EBF2: variants seen among roughly 807,000 people sequenced by gnomAD.
The protein encoded by EBF2 is transcription factor COE2.
A neutral mutation model predicts 72.8 loss-of-function variants in EBF2; 21 were observed. The observed-to-expected ratio is 0.29, with a 90% CI of 0.20 to 0.42. EBF2 has a LOEUF of 0.42. Ranked by LOEUF, EBF2 falls within the 10% of genes least tolerant of loss-of-function variation. The pLI is 1.00. For synonymous variants in EBF2, 299 were observed against 274.2 expected (o/e 1.09, Z -0.89); for missense variants, 637 against 731.2 (o/e 0.87, Z 1.49).
chr8:25,946,056 C>T (rs1211456307), intron 6 of EBF2, among the ~76,000 whole-genome samples: 2 of 152,148 alleles, frequency 1.3e-5, no homozygotes, highest in African/African-American at 2.4e-5. Context: ...TCTCTCACTG[C>T]CTGGCGTGAT....
intron 10 of EBF2, among the ~76,000 whole-genome samples, chr8:25,878,131 G>A (rs940247788): frequency 6.6e-6 from 1 of 152,158 alleles, no homozygotes; most frequent in Non-Finnish European, 1.5e-5. Flanking sequence ...GCTTCCGGCT[G>A]GTCCTCCTCT....
At chr8:25,943,965 G>C (rs1050583964) in intron 6 of EBF2, among the ~76,000 whole-genome samples, 3 of 152,188 alleles carry the variant, frequency 2.0e-5, no homozygotes, top group Admixed American at 1.3e-4. Flanking sequence ...GGTGAGAACA[G>C]GGTCCCAGTT....
intron 6 of EBF2, among the ~76,000 whole-genome samples, chr8:25,998,390 C>T (rs912041624): frequency 2.0e-5 from 3 of 152,142 alleles, no homozygotes; most frequent in Non-Finnish European, 2.9e-5. Context: ...CAATCTTTCT[C>T]GCACTATTTC....
chr8:26,042,431 C>G (rs377240467), intron 1 of EBF2, among the ~76,000 whole-genome samples, 180 bp from the exon 2 acceptor site: 2 of 152,060 alleles, frequency 1.3e-5, no homozygotes, highest in Non-Finnish European at 2.9e-5. Flanking sequence ...AAGGAGTCAC[C>G]GTGGCCACGG....
At chr8:25,850,890 AAGT>A (rs1801954383) in intron 14 of EBF2, 129 bp from the exon 15 acceptor site, 1 of 1,067,380 alleles carries the variant, frequency 9.4e-7, no homozygotes. Context: ...TAAAAAAAAA[AAGT>A]TGAATGTGAC....
In EBF2 at chr8:25,893,271, A is replaced by ATTT. The variant is rs201829098; in HGVS notation, c.634-3405_634-3403dup. Among the ~76,000 whole-genome samples, 211 of 111,418 alleles carry ATTT rather than the reference A, an allele frequency of 1.9e-3. 4 individuals carry two copies. The highest frequency in any genetic ancestry group is 2.6e-3 in the Non-Finnish European group (154 of 59,090). 73.1% of individuals were successfully genotyped at this position (111,418 alleles called of 152,430 possible). ...GGGTGCTTTGGGCTTTAATTCTTCC[A>ATTT]TTTTTTTTTTTTTTTTTTTTTTTTT... On this transcript the variant is annotated intron_variant, in intron 7 of 15. Transcript: ENST00000520164.
intron 7 of EBF2, among the ~76,000 whole-genome samples, chr8:25,896,426 G>A (rs1802865020): frequency 1.3e-5 from 2 of 152,130 alleles, no homozygotes; most frequent in Admixed American, 6.5e-5. Context: ...CCCTACTTAT[G>A]AATGTGCATA....
At chr8:26,007,921 T>G (rs1804909894) in intron 6 of EBF2, among the ~76,000 whole-genome samples, 1 of 152,100 alleles carries the variant, frequency 6.6e-6, no homozygotes, top group Non-Finnish European at 1.5e-5. Flanking sequence ...AAATAATAAT[T>G]TTATCTCAGC....
chr8:25,847,611 T>C, intron 15 of EBF2, among the ~76,000 whole-genome samples: 1 of 152,092 alleles, frequency 6.6e-6, no homozygotes, highest in South Asian at 2.1e-4. Flanking sequence ...CAACCACCTT[T>C]GGGGATAGCT....
chr8:26,003,461 G>C (rs1804776325), intron 6 of EBF2, among the ~76,000 whole-genome samples: 1 of 152,152 alleles, frequency 6.6e-6, no homozygotes, highest in African/African-American at 2.4e-5. Context: ...TTTTATGTAG[G>C]TAAGGCAGCA....
chr8:25,886,902 G>A lies in EBF2; in HGVS notation c.883-21C>T, dbSNP rs543590179. Reference sequence around the variant, plus strand: ...ATTAGCTGAGGAATGAACAGGCAGGGAAATAAAATACCCATTAGACAAGCC... The same window carrying A: ...ATTAGCTGAGGAATGAACAGGCAGGAAAATAAAATACCCATTAGACAAGCC... On this transcript the variant is annotated intron_variant, in intron 9 of 15. Coordinates refer to ENST00000520164, the MANE Select transcript of EBF2 (RefSeq NM_022659.4). 1.2e-5 allele frequency: 19 copies of A among 1,609,218 alleles called. No individual in the cohort carries two copies. In the African/African-American group the frequency reaches 2.4e-4, roughly 20 times the overall value.
intron 6 of EBF2, among the ~76,000 whole-genome samples, chr8:26,002,674 TGC>T: frequency 6.6e-6 from 1 of 152,138 alleles, no homozygotes; most frequent in East Asian, 1.9e-4. Flanking sequence ...TTCTTTTCCT[TGC>T]AGGCTTTGGA....
At chr8:25,964,874 A>G (rs1291956270) in intron 6 of EBF2, among the ~76,000 whole-genome samples, 2 of 152,196 alleles carry the variant, frequency 1.3e-5, no homozygotes, top group Non-Finnish European at 2.9e-5. Flanking sequence ...ACACAGGCGC[A>G]TGCATGCACA....
intron 14 of EBF2, among the ~76,000 whole-genome samples, chr8:25,854,888 G>T (rs1802055521): frequency 6.6e-6 from 1 of 152,188 alleles, no homozygotes; most frequent in African/African-American, 2.4e-5. Flanking sequence ...AGGAATCTAT[G>T]AGGACAAGTT....
At chr8:25,891,459 T>C (rs1226524222) in intron 7 of EBF2, among the ~76,000 whole-genome samples, 1 of 152,146 alleles carries the variant, frequency 6.6e-6, no homozygotes, top group Non-Finnish European at 1.5e-5. Flanking sequence ...AGGTACAAAA[T>C]GAAGAGTCGT....
intron 6 of EBF2, among the ~76,000 whole-genome samples, chr8:25,941,498 G>A (rs1803668975): frequency 6.6e-6 from 1 of 152,132 alleles, no homozygotes; most frequent in African/African-American, 2.4e-5. Flanking sequence ...GAGCCACTAT[G>A]CCCAGCTGTG....
In EBF2 at chr8:26,041,596, C is replaced by T. The variant is rs142738977; in HGVS notation, c.288+499G>A. 364 of 161,214 alleles carry T rather than the reference C, an allele frequency of 2.3e-3. 1 individual carries two copies. The highest frequency in any genetic ancestry group is 3.3e-3 in the Non-Finnish European group (241 of 73,672). 10.0% of individuals were successfully genotyped at this position (161,214 alleles called of 1,614,324 possible). A position where few individuals can be genotyped will look rare whatever the true frequency, so the allele number is the denominator to read the frequency against. On this transcript the variant is annotated intron_variant, in intron 2 of 15. Coordinates refer to ENST00000520164, the MANE Select transcript of EBF2 (RefSeq NM_022659.4). The stretch of plus-strand genomic sequence containing the variant: ...TCGGCGGACTGTCCTTCATTTGAGA[C>T]CGAACCCAGCCCCCAATTCCAGGCT...
chr8:25,899,035 T>C (rs957779786), intron 7 of EBF2, among the ~76,000 whole-genome samples: 2 of 152,152 alleles, frequency 1.3e-5, no homozygotes, highest in South Asian at 2.1e-4. Flanking sequence ...CCTTATACTT[T>C]TACAAAGAGC....
intron 6 of EBF2, among the ~76,000 whole-genome samples, chr8:25,942,844 T>G (rs896143997): frequency 6.6e-5 from 10 of 152,254 alleles, no homozygotes; most frequent in African/African-American, 2.4e-4. Context: ...AATGAGAATT[T>G]TCCACGCTCT....
Sources: allele counts gnomAD v4.1 joint callset (sites outside exome capture counted in the v4.1 genomes callset), GRCh38; gene constraint gnomAD v4.1.1; transcripts MANE v1.5; gene names NCBI Gene and HGNC (gene_info 2026-07-23, HGNC 2026-07-21).